Variants in ARL17B observed in about 807,000 individuals in gnomAD.
ARL17B encodes ARF like GTPase 17B, also known as ADP-ribosylation factor-like protein 17.
chr17:46,316,632 T>A lies in ARL17B; in HGVS notation c.260-16967A>T, dbSNP rs569868203. On this transcript the variant is annotated intron_variant, in intron 3 of 4. Transcript: ENST00000434041. ...GTTTTTGTTTTTTTTAATTTTTTTT[T>A]ATTGATCATTCTTGGGTGTTTCTCG... Among the ~76,000 whole-genome samples the A allele has an allele frequency of 3.1e-3, 229 of 73,978 alleles. 45 individuals carry two copies. The highest frequency in any genetic ancestry group is 7.4e-3 in the African/African-American group (210 of 28,402). 48.5% of individuals were successfully genotyped at this position (73,978 alleles called of 152,430 possible).
At chr17:46,276,950 C>A (rs1172689361) in intron 4 of ARL17B, among the ~76,000 whole-genome samples, 1 of 151,698 alleles carries the variant, frequency 6.6e-6, no homozygotes, top group African/African-American at 2.4e-5. Flanking sequence ...ACTACAGGCA[C>A]GTGCCACCAT....
At chr17:46,284,076 G>C (rs528704615) in intron 4 of ARL17B, among the ~76,000 whole-genome samples, 1 of 152,270 alleles carries the variant, frequency 6.6e-6, no homozygotes, top group South Asian at 2.1e-4. Context: ...GCCCAGGGAC[G>C]GGCAGGAGAC....
At chr17:46,280,289 G>A (rs75811253) in intron 4 of ARL17B, among the ~76,000 whole-genome samples, 11 of 152,128 alleles carry the variant, frequency 7.2e-5, no homozygotes, top group South Asian at 6.2e-4. Context: ...GCTTGAACGC[G>A]GGAAGCGGAG....
chr17:46,279,491 T>TC (rs1491501600), intron 4 of ARL17B, among the ~76,000 whole-genome samples: 2 of 138,974 alleles, frequency 1.4e-5, no homozygotes, highest in Non-Finnish European at 3.1e-5. Flanking sequence ...GCCTTTTTTT[T>TC]CTTTCTTTCT....
chr17:46,276,717 T>C (rs1312255554), intron 4 of ARL17B, among the ~76,000 whole-genome samples: 2 of 152,170 alleles, frequency 1.3e-5, no homozygotes, highest in Non-Finnish European at 2.9e-5. Context: ...TGGAAAGCAA[T>C]AGAAATTCCC....
At chr17:46,359,316 G>GT (rs1320309624) in intron 1 of ARL17B, among the ~76,000 whole-genome samples, 6 of 95,264 alleles carry the variant, frequency 6.3e-5, no homozygotes, top group African/African-American at 2.3e-4. Flanking sequence ...TCCAGTTTTC[G>GT]TTTGAGTTTT....
intron 4 of ARL17B, among the ~76,000 whole-genome samples, chr17:46,276,790 C>CTTTTTTTTTTTT (rs75549659): frequency 2.2e-5 from 3 of 134,302 alleles, no homozygotes; most frequent in Non-Finnish European, 4.8e-5. Context: ...TTCTTTTTTT[C>CTTTTTTTTTTTT]TTTTTTTTTT....
chr17:46,323,964 T>A (rs2051554230), intron 3 of ARL17B, among the ~76,000 whole-genome samples: 1 of 102,154 alleles, frequency 9.8e-6, no homozygotes, highest in Non-Finnish European at 2.3e-5. Flanking sequence ...CATTATGTCA[T>A]TTCATAAAAA....
chr17:46,282,871 C>T (rs1384935309), intron 4 of ARL17B, among the ~76,000 whole-genome samples: 1 of 152,216 alleles, frequency 6.6e-6, no homozygotes, highest in Non-Finnish European at 1.5e-5. Context: ...GTTATCCCAG[C>T]ATTTTGGGAG....
intron 4 of ARL17B, among the ~76,000 whole-genome samples, chr17:46,291,687 G>A (rs1268122187): frequency 3.9e-5 from 6 of 152,176 alleles, no homozygotes; most frequent in Middle Eastern, 3.2e-3. Flanking sequence ...TTGGGAAGTC[G>A]AGGAAGGAGG....
At chr17:46,323,129 G>T (rs1598158087) in intron 3 of ARL17B, 1 of 124,862 alleles carries the variant, frequency 8.0e-6, no homozygotes, top group Non-Finnish European at 1.9e-5. Flanking sequence ...TTTTCATATA[G>T]TAACATTCAC....
chr17:46,288,706 C>CTTTTTTTTTTTTTTTTTTTTTTTTTTT (rs199591277), intron 4 of ARL17B, among the ~76,000 whole-genome samples: 1 of 139,060 alleles, frequency 7.2e-6, no homozygotes, highest in Non-Finnish European at 1.6e-5. Flanking sequence ...CTTGTTTTTT[C>CTTTTTTTTTTTTTTTTTTTTTTTTTTT]TTTTTTTTTT....
At chr17:46,280,954 GACTTT>G (rs2049747199) in intron 4 of ARL17B, among the ~76,000 whole-genome samples, 1 of 152,146 alleles carries the variant, frequency 6.6e-6, no homozygotes, top group African/African-American at 2.4e-5. Context: ...TATTTATTCT[GACTTT>G]ACTTGACTGT....
chr17:46,284,971 C>T (rs2049865521), intron 4 of ARL17B, among the ~76,000 whole-genome samples: 1 of 152,148 alleles, frequency 6.6e-6, no homozygotes. Context: ...TCAAGTGATC[C>T]TCTCACCTCA....
At chr17:46,279,206 CAG>C (rs1367474703) in intron 4 of ARL17B, among the ~76,000 whole-genome samples, 1 of 130,202 alleles carries the variant, frequency 7.7e-6, no homozygotes, top group East Asian at 2.3e-4. Context: ...TTTTTTGAGA[CAG>C]AGTCTCGCTC....
Position 46,336,241 on chromosome 17 carries a change from CT to C in ARL17B, c.*3258del. 3.5e-5 allele frequency among the ~76,000 whole-genome samples: 1 copy of C among 28,858 alleles called. No individual in the cohort carries two copies. Among genetic ancestry groups the C allele is most frequent in the African/African-American group, 5.5e-5 (1 of 18,210 alleles). 18.9% of individuals were successfully genotyped at this position (28,858 alleles called of 152,430 possible). ...AACTGAGGAAACACTATTTTCTCAT[CT>C]TACTGGTTTTTGGGCCCCTACTCTA... On this transcript the variant is annotated 3_prime_UTR_variant, in exon 4 of 4. Transcript: ENST00000450673.
At chr17:46,283,889 C>A (rs2143387887) in intron 4 of ARL17B, among the ~76,000 whole-genome samples, 1 of 152,348 alleles carries the variant, frequency 6.6e-6, no homozygotes, top group African/African-American at 2.4e-5. Flanking sequence ...AAGGTCTCTG[C>A]ATCATAGACA....
chr17:46,285,429 A>T lies in ARL17B; in HGVS notation c.*22-10011T>A, dbSNP rs544385472. 5.3e-5 allele frequency among the ~76,000 whole-genome samples: 8 copies of T among 151,924 alleles called. 1 individual carries two copies. In the East Asian group the frequency reaches 1.6e-3, roughly 30 times the overall value. ...CTAGTTTTTTGTATTTTTAGTAGAG[A>T]CGGGGTTTCACCATGTTGGCCAGTC... On this transcript the variant is annotated intron_variant, in intron 4 of 4. Transcript: ENST00000570618.
At chr17:46,286,610 G>C (rs2049922125) in intron 4 of ARL17B, among the ~76,000 whole-genome samples, 1 of 151,866 alleles carries the variant, frequency 6.6e-6, no homozygotes, top group African/African-American at 2.4e-5. Context: ...CATTCACTAT[G>C]AAGCAAGATA....
Sources: gnomAD v4.1 joint callset for allele counts (sites outside exome capture counted in the v4.1 genomes callset) on GRCh38, gnomAD v4.1.1 for gene constraint, MANE v1.5 for transcripts, NCBI Gene and HGNC (gene_info 2026-07-23, HGNC 2026-07-21) for gene names.